Variants in TES observed in about 807,000 individuals in gnomAD.
TES encodes the protein testin.
In TES, 41 loss-of-function variants were observed where a neutral mutation model predicts 48.2. The observed-to-expected ratio is 0.85, with a 90% CI of 0.66 to 1.10. TES has a LOEUF of 1.10. TES is among the 50% of genes least tolerant of loss of function. TES has a pLI of 0.00. For missense variants in TES, 463 were observed against 515.1 expected, an observed-to-expected ratio of 0.90 and a Z score of 0.98; for synonymous variants, 162 against 174.9, an observed-to-expected ratio of 0.93 and a Z score of 0.58.
intron 1 of TES, among the ~76,000 whole-genome samples, chr7:116,225,276 T>C (rs1352085053): frequency 6.6e-6 from 1 of 152,012 alleles, no homozygotes; most frequent in Non-Finnish European, 1.5e-5. Context: ...CTGTATGTAT[T>C]GAGGTATAGA....
intron 6 of TES, among the ~76,000 whole-genome samples, chr7:116,254,303 C>G (rs2116634247): frequency 6.8e-6 from 1 of 147,248 alleles, no homozygotes; most frequent in South Asian, 2.2e-4. Context: ...TTTATTGAAA[C>G]AGATGAAACT....
chr7:116,256,740 T>C (rs1800104899), intron 6 of TES, among the ~76,000 whole-genome samples: 1 of 152,226 alleles, frequency 6.6e-6, no homozygotes, highest in Admixed American at 6.5e-5. Flanking sequence ...TATGACAGAA[T>C]AGAAGCCAAT....
chr7:116,240,429 C>G (rs371786411), intron 2 of TES, among the ~76,000 whole-genome samples: 22 of 151,972 alleles, frequency 1.4e-4, no homozygotes, highest in African/African-American at 5.3e-4. Flanking sequence ...TTTGTTCTTG[C>G]ATTCGCTCTC....
chr7:116,233,128 C>G (rs1799722523), intron 1 of TES, among the ~76,000 whole-genome samples: 1 of 152,210 alleles, frequency 6.6e-6, no homozygotes, highest in Non-Finnish European at 1.5e-5. Context: ...ACTTGTCCAG[C>G]TTGAACTGCT....
intron 1 of TES, 97 bp downstream of exon 1, chr7:116,210,831 C>A: frequency 9.1e-7 from 1 of 1,098,272 alleles, no homozygotes; most frequent in Non-Finnish European, 1.2e-6. Context: ...GGCTCGCGGG[C>A]CCCCCGGTGT....
At chr7:116,220,449 G>T (rs1373445905) in intron 1 of TES, among the ~76,000 whole-genome samples, 1 of 152,112 alleles carries the variant, frequency 6.6e-6, no homozygotes, top group East Asian at 1.9e-4. Flanking sequence ...CATAGATTTG[G>T]ATCCCACCTT....
chr7:116,223,862 TA>T (rs1203826587), intron 1 of TES, among the ~76,000 whole-genome samples: 3 of 152,190 alleles, frequency 2.0e-5, no homozygotes, highest in African/African-American at 7.2e-5. Context: ...TCTTTGGATT[TA>T]AAATCAAAAC....
At chr7:116,252,706 AC>A (rs1800037102) in intron 6 of TES, 1 of 547,686 alleles carries the variant, frequency 1.8e-6, no homozygotes, top group Non-Finnish European at 3.3e-6. Flanking sequence ...AATTATAGGT[AC>A]TGCTTAATAA....
chr7:116,254,774 G>A (rs978314218), intron 6 of TES, among the ~76,000 whole-genome samples: 2 of 151,306 alleles, frequency 1.3e-5, no homozygotes, highest in Non-Finnish European at 2.9e-5. Context: ...GTGTGTGTGT[G>A]TGTGTGTGTG....
chr7:116,242,907 T>G (rs1799868795), intron 2 of TES, among the ~76,000 whole-genome samples: 1 of 152,316 alleles, frequency 6.6e-6, no homozygotes, highest in African/African-American at 2.4e-5. Flanking sequence ...GAATTGGTGA[T>G]AGCAAGGTTG....
At chr7:116,245,754 C>T (rs1184612451) in intron 2 of TES, among the ~76,000 whole-genome samples, 2 of 152,094 alleles carry the variant, frequency 1.3e-5, no homozygotes, top group African/African-American at 2.4e-5. Context: ...TAAAGACATA[C>T]CTGAGACTGA....
intron 6 of TES, among the ~76,000 whole-genome samples, chr7:116,255,726 A>G (rs570499807): frequency 7.9e-5 from 12 of 152,350 alleles, no homozygotes; most frequent in African/African-American, 2.9e-4. Flanking sequence ...ACAAGAACAC[A>G]TTCAAAATAC....
rs143983423 is a variant in TES, at chr7:116,223,903, A to G, written c.28-10631A>G. 6.0e-4 allele frequency among the ~76,000 whole-genome samples: 92 copies of G among 152,350 alleles called. 1 individual carries two copies. The highest frequency in any genetic ancestry group is 3.4e-3 in the Middle Eastern group (1 of 294). ...AAGAGGATATAGTAGGCAGCATCTA[A>G]GATGGTTCCCAATTACTCCCACCTA... On this transcript the variant is annotated intron_variant, in intron 1 of 6. Coordinates refer to ENST00000358204, the MANE Select transcript of TES (RefSeq NM_015641.4).
chr7:116,238,644 C>T (rs1000178762), intron 2 of TES, among the ~76,000 whole-genome samples: 1 of 149,372 alleles, frequency 6.7e-6, no homozygotes, highest in African/African-American at 2.5e-5. Flanking sequence ...CCTTGTTGCC[C>T]AGGCTGGAGT....
At chr7:116,216,746 A>G (rs1266357536) in intron 1 of TES, among the ~76,000 whole-genome samples, 2 of 152,030 alleles carry the variant, frequency 1.3e-5, no homozygotes, top group Non-Finnish European at 2.9e-5. Flanking sequence ...TTGTGGAGGT[A>G]TTTGAAGATA....
Position 116,252,493 on chromosome 7 carries a change from G to A in TES, c.1077+17G>A. Reference sequence around the variant, plus strand: ...CACGCTGTGGTGAGAAGTGTTCTAAGGATATGGTTGCCTCAGCCTGCTTTA... The same window carrying A: ...CACGCTGTGGTGAGAAGTGTTCTAAAGATATGGTTGCCTCAGCCTGCTTTA... On this transcript the variant is annotated intron_variant, in intron 6 of 6. Coordinates refer to ENST00000358204, the MANE Select transcript of TES (RefSeq NM_015641.4). 6.2e-7 allele frequency: 1 copy of A among 1,614,158 alleles called. No homozygotes were observed. Among genetic ancestry groups the A allele is most frequent in the Non-Finnish European group, 8.5e-7 (1 of 1,180,012 alleles).
intron 6 of TES, among the ~76,000 whole-genome samples, chr7:116,256,527 C>T (rs1400006264): frequency 6.6e-6 from 1 of 152,154 alleles, no homozygotes; most frequent in Non-Finnish European, 1.5e-5. Context: ...CTGTTTTCTG[C>T]TATAACATAG....
At chr7:116,218,924 G>T (rs1412839603) in intron 1 of TES, among the ~76,000 whole-genome samples, 1 of 152,042 alleles carries the variant, frequency 6.6e-6, no homozygotes, top group East Asian at 1.9e-4. Context: ...AAATGCAAGA[G>T]ACACAAAATT....
chr7:116,230,665 T>G (rs1480283290), intron 1 of TES, among the ~76,000 whole-genome samples: 1 of 152,202 alleles, frequency 6.6e-6, no homozygotes, highest in Non-Finnish European at 1.5e-5. Context: ...AGACATGGCA[T>G]TGAATGCTTC....
Sources: allele counts gnomAD v4.1 joint callset (sites outside exome capture counted in the v4.1 genomes callset), GRCh38; gene constraint gnomAD v4.1.1; transcripts MANE v1.5; gene names NCBI Gene and HGNC (gene_info 2026-07-23, HGNC 2026-07-21).